Variants in LIMCH1 observed in about 807,000 individuals in gnomAD.
LIMCH1 encodes LIM and calponin homology domains-containing protein 1.
In LIMCH1, 113 loss-of-function variants were observed where a neutral mutation model predicts 176.5. The observed-to-expected ratio is 0.64, with a 90% CI of 0.55 to 0.75. The LOEUF (loss-of-function observed/expected upper bound fraction) is 0.75. Among genes scored for constraint, LIMCH1 ranks in the 30% least tolerant of loss-of-function variants. The pLI, the probability that LIMCH1 is intolerant of heterozygous loss-of-function variation, is 0.00. For missense variants in LIMCH1, 1,674 were observed against 1,814.9 expected, an observed-to-expected ratio of 0.92 and a Z score of 1.41; for synonymous variants, 619 against 645.9, an observed-to-expected ratio of 0.96 and a Z score of 0.63.
intron 8 of LIMCH1, among the ~76,000 whole-genome samples, chr4:41,628,268 A>G (rs1409474885): frequency 6.6e-6 from 1 of 152,148 alleles, no homozygotes; most frequent in Non-Finnish European, 1.5e-5. Flanking sequence ...TAGCCTTTGT[A>G]TCTCCCTTGT....
chr4:41,429,866 A>AG (rs71198654), intron 1 of LIMCH1, among the ~76,000 whole-genome samples: 35,793 of 152,008 alleles, frequency 0.24, 5,426 homozygotes, highest in African/African-American at 0.42. Context: ...ACCAGTTACA[A>AG]GGGAAGGAAA....
intron 1 of LIMCH1, among the ~76,000 whole-genome samples, chr4:41,447,524 A>G (rs1421787911): frequency 2.0e-5 from 3 of 152,248 alleles, no homozygotes; most frequent in Non-Finnish European, 2.9e-5. Context: ...TAATAAAGTA[A>G]TGGAGCTGGG....
intron 1 of LIMCH1, among the ~76,000 whole-genome samples, chr4:41,543,263 T>C (rs948665097): frequency 6.6e-6 from 1 of 152,044 alleles, no homozygotes; most frequent in African/African-American, 2.4e-5. Flanking sequence ...AATGTACATA[T>C]ATATTTTATG....
chr4:41,481,058 A>G (rs535859637), intron 1 of LIMCH1, among the ~76,000 whole-genome samples: 1 of 151,320 alleles, frequency 6.6e-6, no homozygotes, highest in African/African-American at 2.4e-5. Context: ...GTCTGTGTCT[A>G]TAAACAGTAC....
At chr4:41,472,962 G>A in intron 1 of LIMCH1, 2 of 941,304 alleles carry the variant, frequency 2.1e-6, no homozygotes, top group Non-Finnish European at 2.5e-6. Context: ...AAACACTTTG[G>A]GAAATGCTGC....
chr4:41,621,504 AT>A (rs35690244), intron 7 of LIMCH1, among the ~76,000 whole-genome samples: 89,927 of 144,142 alleles, frequency 0.62, 29,614 homozygotes, highest in East Asian at 0.84. Context: ...GTTCCATTTA[AT>A]TTTTTTTTTT....
In LIMCH1 at chr4:41,676,325, G is replaced by A. The variant is rs2095217826; in HGVS notation, c.3439-57G>A. 2.5e-5 allele frequency: 36 copies of A among 1,417,598 alleles called. 1 individual carries two copies. Among genetic ancestry groups the A allele is most frequent in the Admixed American group, 5.3e-5 (3 of 57,070 alleles). The allele number at this position is 1,417,598 out of a possible 1,614,324, so 87.8% of individuals were successfully genotyped here. A position where few individuals can be genotyped will look rare whatever the true frequency, so the allele number is the denominator to read the frequency against. Reference sequence around the variant, plus strand: ...GAGGCCAATTGTCTACTCTTCACCCGGCCTGTCCCTTGAGGACATGGCTCA... The same window carrying A: ...GAGGCCAATTGTCTACTCTTCACCCAGCCTGTCCCTTGAGGACATGGCTCA... On this transcript the variant is annotated intron_variant, in intron 22 of 31. Coordinates refer to ENST00000503057, the MANE Select transcript of LIMCH1 (RefSeq NM_001330672.2).
chr4:41,672,175 A>G (rs1191068540), intron 22 of LIMCH1, among the ~76,000 whole-genome samples: 2 of 151,994 alleles, frequency 1.3e-5, no homozygotes, highest in East Asian at 3.9e-4. Context: ...TTCGAGACCA[A>G]CCTAGCCAAC....
chr4:41,462,881 T>A (rs545834508), intron 1 of LIMCH1, among the ~76,000 whole-genome samples: 38 of 151,974 alleles, frequency 2.5e-4, no homozygotes, highest in Non-Finnish European at 5.0e-4. Flanking sequence ...ATAGACCTTT[T>A]ATTTTTTTTT....
intron 1 of LIMCH1, among the ~76,000 whole-genome samples, chr4:41,398,294 A>C (rs1249864110): frequency 6.6e-6 from 1 of 151,860 alleles, no homozygotes; most frequent in Non-Finnish European, 1.5e-5. Flanking sequence ...GTGCCATGAG[A>C]AGAGTTTTCT....
chr4:41,457,584 T>C (rs973211470), intron 1 of LIMCH1, among the ~76,000 whole-genome samples: 2 of 152,188 alleles, frequency 1.3e-5, no homozygotes, highest in Admixed American at 6.5e-5. Flanking sequence ...CCAGGGAGGC[T>C]AAGTAGCTTA....
At chr4:41,643,126 T>C (rs1448829203) in intron 14 of LIMCH1, among the ~76,000 whole-genome samples, 1 of 152,234 alleles carries the variant, frequency 6.6e-6, no homozygotes, top group Non-Finnish European at 1.5e-5. Flanking sequence ...CACACATTTA[T>C]ACACATTCCT....
At chr4:41,632,204 T>G (rs2093362016) in intron 10 of LIMCH1, among the ~76,000 whole-genome samples, 1 of 152,180 alleles carries the variant, frequency 6.6e-6, no homozygotes, top group Admixed American at 6.5e-5. Context: ...TAAAACCGGA[T>G]TGCCCTGGGA....
chr4:41,388,787 C>T (rs2056835925), intron 1 of LIMCH1, among the ~76,000 whole-genome samples: 1 of 152,098 alleles, frequency 6.6e-6, no homozygotes, highest in Non-Finnish European at 1.5e-5. Flanking sequence ...GGATTACAGG[C>T]ACCTGCCACC....
At chr4:41,378,994 A>C (rs79433348) in intron 1 of LIMCH1, among the ~76,000 whole-genome samples, 4,192 of 152,314 alleles carry the variant, frequency 0.028, 92 homozygotes, top group Middle Eastern at 0.061. Context: ...GACACTTTAG[A>C]TACTTGTCAA....
Position 41,404,796 on chromosome 4 carries a change from A to C in LIMCH1, c.96+43860A>C, listed in dbSNP as rs113944856. On this transcript the variant is annotated intron_variant, in intron 1 of 26. Transcript: ENST00000313860. Reference sequence around the variant, plus strand: ...TCTGTCTCAAAAAACAAATAATAATAATTGATTAACAATATTGCATATGGA... The same window carrying C: ...TCTGTCTCAAAAAACAAATAATAATCATTGATTAACAATATTGCATATGGA... 2.2e-3 allele frequency among the ~76,000 whole-genome samples: 342 copies of C among 152,164 alleles called. 1 individual carries two copies. The highest frequency in any genetic ancestry group is 7.4e-3 in the African/African-American group (305 of 41,476).
chr4:41,418,345 T>G (rs935216822), intron 1 of LIMCH1, among the ~76,000 whole-genome samples: 2 of 152,212 alleles, frequency 1.3e-5, no homozygotes, highest in African/African-American at 4.8e-5. Context: ...TTTTCTCCAT[T>G]CACCTGGTGT....
chr4:41,669,245 A>G (rs913751824), intron 21 of LIMCH1, among the ~76,000 whole-genome samples: 10 of 152,346 alleles, frequency 6.6e-5, no homozygotes, highest in Admixed American at 3.9e-4. Flanking sequence ...TTTTAGAAAT[A>G]CCAAATGGGA....
intron 1 of LIMCH1, among the ~76,000 whole-genome samples, chr4:41,491,008 G>GAAGAGT (rs2070772083): frequency 6.8e-6 from 1 of 146,718 alleles, no homozygotes. Flanking sequence ...CTTCCCAGAC[G>GAAGAGT]GGGCGGCTGG....
Sources: allele counts gnomAD v4.1 joint callset (sites outside exome capture counted in the v4.1 genomes callset), GRCh38; gene constraint gnomAD v4.1.1; transcripts MANE v1.5; gene names NCBI Gene and HGNC (gene_info 2026-07-23, HGNC 2026-07-21).